PDE4DIP: variants seen among roughly 807,000 people sequenced by gnomAD.
The protein encoded by PDE4DIP is myomegalin.
PDE4DIP carries 59 observed loss-of-function variants against 221.4 expected under a neutral mutation model. That is an observed-to-expected ratio of 0.27 (90% CI 0.22 to 0.33). The LOEUF (loss-of-function observed/expected upper bound fraction) is 0.33. Ranked by LOEUF, PDE4DIP falls within the 10% of genes least tolerant of loss-of-function variation. The pLI, the probability that PDE4DIP is intolerant of heterozygous loss-of-function variation, is 1.00. For synonymous variants in PDE4DIP, 404 were observed against 815.9 expected, an observed-to-expected ratio of 0.50 and a Z score of 8.60; for missense variants, 1,036 against 2,154.2, an observed-to-expected ratio of 0.48 and a Z score of 10.28.
At chr1:148,952,146 G>C (rs1313206400) in intron 5 of PDE4DIP, 22 of 1,032,404 alleles carry the variant, frequency 2.1e-5, no homozygotes, top group Non-Finnish European at 2.4e-5. Context: ...GCACTGGTGC[G>C]ACTTTCAGGT....
At chr1:149,028,195 G>A (rs1453295896) in intron 40 of PDE4DIP, among the ~76,000 whole-genome samples, 1 of 151,450 alleles carries the variant, frequency 6.6e-6, no homozygotes, top group Non-Finnish European at 1.5e-5. Flanking sequence ...CACACTAGAG[G>A]GCAAGACACA....
intron 5 of PDE4DIP, among the ~76,000 whole-genome samples, chr1:148,950,743 G>GC (rs587768259): frequency 3.4e-3 from 504 of 150,070 alleles, no homozygotes; most frequent in South Asian, 0.01. Flanking sequence ...TGAGGGATCT[G>GC]CCCCCCCCAC....
At chr1:149,018,102 A>G (rs1553613793) in intron 34 of PDE4DIP, among the ~76,000 whole-genome samples, 1 of 151,784 alleles carries the variant, frequency 6.6e-6, no homozygotes, top group Non-Finnish European at 1.5e-5. Context: ...CTCACCCCAT[A>G]CTTAATCTGC....
At chr1:149,029,319 A>G (rs1575677155) in intron 41 of PDE4DIP, among the ~76,000 whole-genome samples, 1 of 152,172 alleles carries the variant, frequency 6.6e-6, no homozygotes, top group African/African-American at 2.4e-5. Flanking sequence ...TACCTTTTGG[A>G]TCCAACTATG....
At chr1:148,903,114 G>A (rs1392304436) in intron 1 of PDE4DIP, among the ~76,000 whole-genome samples, 112 of 149,528 alleles carry the variant, frequency 7.5e-4, no homozygotes, top group African/African-American at 2.8e-3. Flanking sequence ...CAGGAGTAAG[G>A]TGGTATCACA....
chr1:148,862,209 G>A (rs1231251501), intron 1 of PDE4DIP, among the ~76,000 whole-genome samples: 2 of 150,948 alleles, frequency 1.3e-5, no homozygotes, highest in African/African-American at 4.9e-5. Context: ...GTTCCCAACT[G>A]CTACTATACA....
chr1:148,821,491 G>A (rs1669239456), intron 1 of PDE4DIP, among the ~76,000 whole-genome samples: 2 of 150,594 alleles, frequency 1.3e-5, no homozygotes, highest in Admixed American at 1.3e-4. Context: ...AGGGATTTCT[G>A]ATATTAATAA....
At chr1:148,927,301 G>T (rs1368312837) in intron 1 of PDE4DIP, among the ~76,000 whole-genome samples, 4 of 151,858 alleles carry the variant, frequency 2.6e-5, no homozygotes, top group Non-Finnish European at 5.9e-5. Flanking sequence ...TTGGTCAAAA[G>T]GTACCTACTT....
At chr1:149,010,130 C>A (rs587743783) in intron 30 of PDE4DIP, among the ~76,000 whole-genome samples, 5 of 152,326 alleles carry the variant, frequency 3.3e-5, no homozygotes, top group Admixed American at 2.0e-4. Flanking sequence ...CTACAATGAT[C>A]TTGCTACTTA....
At chr1:148,980,258 AGC>A (rs2060862172) in intron 20 of PDE4DIP, among the ~76,000 whole-genome samples, 1 of 152,064 alleles carries the variant, frequency 6.6e-6, no homozygotes, top group Non-Finnish European at 1.5e-5. Context: ...TGGGTGAGGT[AGC>A]GCGCGCCTGT....
exon 23 of PDE4DIP, chr1:148,998,168 G>A (rs2064755858): frequency 2.3e-6 from 3 of 1,332,920 alleles, no homozygotes; most frequent in African/African-American, 1.4e-5. Flanking sequence ...TTGGAGAAAA[G>A]TCTGGCAACT....
chr1:148,987,993 T>C (rs781987264), intron 21 of PDE4DIP, among the ~76,000 whole-genome samples: 1 of 152,180 alleles, frequency 6.6e-6, no homozygotes, highest in East Asian at 1.9e-4. Flanking sequence ...CATTTAATGA[T>C]GATTAGTCCT....
chr1:148,964,083 CTCTT>C (rs1553515530), intron 9 of PDE4DIP, among the ~76,000 whole-genome samples: 1 of 148,626 alleles, frequency 6.7e-6, no homozygotes, highest in South Asian at 2.2e-4. Context: ...TTCTCTCTCT[CTCTT>C]TCTTTTCTTT....
At chr1:149,032,128 G>T (rs141564171) in exon 44 of PDE4DIP, 51 of 1,523,092 alleles carry the variant, frequency 3.3e-5, no homozygotes, top group Non-Finnish European at 4.4e-5. Context: ...CCACGGGAGG[G>T]TCCAGAAGAG....
chr1:148,923,515 C>T, intron 1 of PDE4DIP, among the ~76,000 whole-genome samples: 1 of 145,996 alleles, frequency 6.8e-6, no homozygotes. Flanking sequence ...ACTCTGTCGC[C>T]CAGGCTGGAG....
intron 14 of PDE4DIP, among the ~76,000 whole-genome samples, chr1:148,971,931 T>TA (rs1488622648): frequency 7.9e-6 from 1 of 125,858 alleles, no homozygotes; most frequent in African/African-American, 3.0e-5. Context: ...TCTTATCTGT[T>TA]ACAGATGTGT....
intron 5 of PDE4DIP, chr1:148,942,000 G>T (rs1258644651): frequency 6.6e-6 from 1 of 152,292 alleles, no homozygotes; most frequent in Non-Finnish European, 1.5e-5. Flanking sequence ...AGGAGCTTAA[G>T]TTCTAAAGAC....
intron 5 of PDE4DIP, chr1:148,953,921 A>G (rs782205974): frequency 3.6e-5 from 57 of 1,598,428 alleles, no homozygotes; most frequent in Non-Finnish European, 4.7e-5. Context: ...CAAAACGGCT[A>G]CATAGTGCCT....
chr1:148,992,083 C>T (rs1553560185), intron 22 of PDE4DIP, 110 bp downstream of exon 25: 5 of 873,274 alleles, frequency 5.7e-6, no homozygotes, highest in Non-Finnish European at 9.5e-6. Context: ...TATCTTTTTA[C>T]ATAAACTACT....
Sources: allele counts gnomAD v4.1 joint callset (sites outside exome capture counted in the v4.1 genomes callset), GRCh38; gene constraint gnomAD v4.1.1; transcripts MANE v1.5; gene names NCBI Gene and HGNC (gene_info 2026-07-23, HGNC 2026-07-21).